The following FAM221B variants were observed in gnomAD, a reference collection of about 807,000 sequenced individuals.
FAM221B encodes family with sequence similarity 221 member B.
A neutral mutation model predicts 39.8 loss-of-function variants in FAM221B; 35 were observed. That is an observed-to-expected ratio of 0.88 (90% CI 0.67 to 1.17). The LOEUF (loss-of-function observed/expected upper bound fraction) is 1.17, where lower values mean the gene tolerates loss of function less well. FAM221B is among the 50% of genes most tolerant of loss of function. The probability of loss-of-function intolerance (pLI) is 0.00; values close to 1 mark genes in which losing one functional copy is unlikely to be tolerated. For synonymous variants in FAM221B, 158 were observed against 178.1 expected, an observed-to-expected ratio of 0.89 and a Z score of 0.90; for missense variants, 479 against 503.1, an observed-to-expected ratio of 0.95 and a Z score of 0.46.
rs976263828 is a variant in FAM221B, at chr9:35,817,725, A to G, written c.*744T>C. On this transcript the variant is annotated 3_prime_UTR_variant, in exon 7 of 7. Transcript: ENST00000423537. ...ACCCCAGCCATTGGCCTTATCTCCT[A>G]CTTCACAGGGCATATAGAAGCCATC... The G allele has an allele frequency of 2.6e-5, 4 of 152,192 alleles. No individual in the cohort carries two copies. Among genetic ancestry groups the G allele is most frequent in the Non-Finnish European group, 5.9e-5 (4 of 68,076 alleles). 9.4% of individuals were successfully genotyped at this position (152,192 alleles called of 1,614,324 possible).
Position 35,825,303 on chromosome 9 carries a change from T to C in FAM221B, c.669A>G (p.Arg223=), listed in dbSNP as rs372407809. The C allele has an allele frequency of 1.2e-6, 2 of 1,614,218 alleles. No individual in the cohort carries two copies. The highest frequency in any genetic ancestry group is 1.7e-6 in the Non-Finnish European group (2 of 1,180,038). Residue 223 remains arginine (R), a synonymous_variant, in exon 3 of 7, where the codon AGA becomes AGG. Coordinates refer to ENST00000423537, the MANE Select transcript of FAM221B (RefSeq NM_001012446.4). This position sits in a 1 kb window ranked among gnomAD's most constrained non-coding sequence, Gnocchi z 4.2. Reference sequence around the variant, plus strand: ...TGTTCACTTGAGCACCAAACTCCTCTCTATGCATTGCCTTAGCCACTTCCA... The same window carrying C: ...TGTTCACTTGAGCACCAAACTCCTCCCTATGCATTGCCTTAGCCACTTCCA... ...ELVEVAKAMH[R]EEFGAQVNNL...
intron 6 of FAM221B, 109 bp downstream of exon 6, chr9:35,818,781 A>G: frequency 6.9e-7 from 1 of 1,441,274 alleles, no homozygotes; most frequent in Non-Finnish European, 9.3e-7. Context: ...AGGTGGGCTG[A>G]GGGAGCGCGC....
At chr9:35,823,794 A>G (rs1356960645) in intron 3 of FAM221B, among the ~76,000 whole-genome samples, 1 of 152,068 alleles carries the variant, frequency 6.6e-6, no homozygotes, top group Non-Finnish European at 1.5e-5. Context: ...CCTACTAAGT[A>G]GCTGGGGCCA....
At position 35,823,972 on chromosome 9, in the gene FAM221B, C is replaced by T. The variant is rs566309829; in HGVS notation, c.742+1258G>A. ...GAGCCACCTTGCCAGCCAGAATTTG[C>T]AAGAAAATAAGAGTAACCGAATATG... On this transcript the variant is annotated intron_variant, in intron 3 of 6. Transcript: ENST00000423537. Among the ~76,000 whole-genome samples, 8 of 134,886 alleles carry T rather than the reference C, an allele frequency of 5.9e-5. No homozygotes were observed. In the East Asian group the frequency reaches 2.0e-3, roughly 34 times the overall value. 88.5% of individuals were successfully genotyped at this position (134,886 alleles called of 152,430 possible).
At chr9:35,819,141 T>C (rs1339036685) in intron 5 of FAM221B, 56 bp downstream of exon 5, 5 of 1,534,206 alleles carry the variant, frequency 3.3e-6, no homozygotes, top group Non-Finnish European at 4.4e-6. Flanking sequence ...TATCCCCAGA[T>C]TGCATCCTAT....
In FAM221B at chr9:35,819,917, A is replaced by G. The variant is rs1829111265; in HGVS notation, c.826T>C (p.Leu276=). The change falls in exon 4 of 7, where the codon TTG becomes CTG. Residue 276 remains leucine, a synonymous_variant. Transcript: ENST00000423537. ...GDESRCFCGH[L]LREHRIISDI... ...GAGATGATCCGGTGCTCTCTCAACA[A>G]GTGTCCACAAAAGCATCTGGACTCA... The G allele has an allele frequency of 6.2e-7, 1 of 1,613,988 alleles. No homozygotes were observed.
rs964959988 is a variant in FAM221B at position 35,828,369 on chromosome 9, A to T, written c.-1+94T>A. ...TACTACTACTACTACTACTACTACTACTACTACTACAACAATGTGAAGGGA... is the reference window on the plus strand; with the variant it reads ...TACTACTACTACTACTACTACTACTTCTACTACTACAACAATGTGAAGGGA... On this transcript the variant is annotated intron_variant, in intron 1 of 6. Coordinates refer to ENST00000423537, the MANE Select transcript of FAM221B (RefSeq NM_001012446.4). This position sits in a 1 kb window ranked among gnomAD's most constrained non-coding sequence, Gnocchi z 4.5. 26 of 216,266 alleles carry T rather than the reference A, an allele frequency of 1.2e-4. 1 individual carries two copies. Among genetic ancestry groups the T allele is most frequent in the African/African-American group, 5.9e-4 (25 of 42,020 alleles). The allele number at this position is 216,266 out of a possible 1,614,324, so 13.4% of individuals were successfully genotyped here. A position where few individuals can be genotyped will look rare whatever the true frequency, so the allele number is the denominator to read the frequency against.
intron 5 of FAM221B, 65 bp from the exon 6 acceptor site, chr9:35,819,074 T>C: frequency 6.5e-7 from 1 of 1,545,682 alleles, no homozygotes; most frequent in Non-Finnish European, 8.7e-7. Flanking sequence ...CTGACCACAT[T>C]CTCATCTCTT....
intron 3 of FAM221B, among the ~76,000 whole-genome samples, chr9:35,824,043 TG>T (rs1293136931): frequency 7.9e-6 from 1 of 126,556 alleles, no homozygotes; most frequent in Non-Finnish European, 1.7e-5. Context: ...AGGGCAAGGG[TG>T]GGGAGGTGGA....
rs1479605974 is a variant in FAM221B at position 35,819,275 on chromosome 9, C to T, written c.973G>A (p.Ala325Thr). ...LKRRATFDPK[A>T]WRAQCRCKHS... ...TTGCAGCGACATTGGGCCCTCCAGGCCTTGGGGTCAAAGGTGGCCCGTCTC... is the reference window on the plus strand; with the variant it reads ...TTGCAGCGACATTGGGCCCTCCAGGTCTTGGGGTCAAAGGTGGCCCGTCTC... Residue 325 changes from alanine to threonine, a missense_variant, in exon 5 of 7, where the codon GCC becomes ACC. By Grantham distance (58) the Ala-to-Thr change is moderately conservative. Coordinates refer to ENST00000423537, the MANE Select transcript of FAM221B (RefSeq NM_001012446.4). The T allele has an allele frequency of 2.6e-6, 4 of 1,551,644 alleles. No homozygotes were observed. The highest frequency in any genetic ancestry group is 4.9e-5 in the East Asian group (2 of 40,938).
In FAM221B at chr9:35,828,019, A is replaced by T. The variant is rs1829455899; in HGVS notation, c.-1+444T>A. Among the ~76,000 whole-genome samples the T allele has an allele frequency of 6.6e-6, 1 of 152,296 alleles. No homozygotes were observed. The highest frequency in any genetic ancestry group is 2.4e-5 in the African/African-American group (1 of 41,560). On this transcript the variant is annotated intron_variant, in intron 1 of 6. Transcript: ENST00000423537. This position sits in a 1 kb window ranked among gnomAD's most constrained non-coding sequence, Gnocchi z 4.5. ...GAAAAGTACAGAATGTGGGCCAGGC[A>T]TGGTGGCTCATGCCAGTAATCCCAG...
In FAM221B at chr9:35,828,332, A is replaced by AACT. The variant is rs1207019030; in HGVS notation, c.-1+128_-1+130dup. On this transcript the variant is annotated intron_variant, in intron 1 of 6. Coordinates refer to ENST00000423537, the MANE Select transcript of FAM221B (RefSeq NM_001012446.4). This position sits in a 1 kb window ranked among gnomAD's most constrained non-coding sequence, Gnocchi z 4.5. The stretch of plus-strand genomic sequence containing the variant: ...CAACAACAACAACAACAACAACAAC[A>AACT]ACTACTACTACTACTACTACTACTA... The AACT allele has an allele frequency of 8.2e-3, 895 of 108,956 alleles. 6 individuals are homozygous for AACT. Among genetic ancestry groups the AACT allele is most frequent in the African/African-American group, 0.022 (625 of 28,998 alleles). 6.7% of individuals were successfully genotyped at this position (108,956 alleles called of 1,614,324 possible).
At position 35,826,151 on chromosome 9, in the gene FAM221B, T is replaced by G; in HGVS notation, c.11A>C (p.His4Pro). 6.3e-7 allele frequency: 1 copy of G among 1,584,356 alleles called. No individual in the cohort carries two copies. The highest frequency in any genetic ancestry group is 8.6e-7 in the Non-Finnish European group (1 of 1,168,094). MEA[H>P]EIIEEPHITM... Reference sequence around the variant, plus strand: ...GATATGAGGCTCTTCTATGATCTCATGTGCTTCCATCTAGTGGTAGAACAG... The same window carrying G: ...GATATGAGGCTCTTCTATGATCTCAGGTGCTTCCATCTAGTGGTAGAACAG... Residue 4 changes from histidine (H) to proline (P), a missense_variant, in exon 2 of 7, where the codon CAT becomes CCT. His to Pro is a moderately conservative substitution (Grantham distance 77). Coordinates refer to ENST00000423537, the MANE Select transcript of FAM221B (RefSeq NM_001012446.4).
rs757082023 is a variant in FAM221B, at chr9:35,825,955, G to T, written c.207C>A (p.Ala69=). The change falls in exon 2 of 7, where the codon GCC becomes GCA. Residue 69 remains alanine (A), a synonymous_variant. Transcript: ENST00000423537. This position sits in a 1 kb window ranked among gnomAD's most constrained non-coding sequence, Gnocchi z 4.2. ...GCTCCTGATGGGTTTCAGGGGAATG[G>T]GCCTCTAAGGGGATCTGGGAAGGGG... ...VPSPSQIPLE[A]HSPETHQEPS... 6.2e-7 allele frequency: 1 copy of T among 1,614,062 alleles called. No homozygotes were observed.
chr9:35,825,734 G>A lies in FAM221B; in HGVS notation c.428C>T (p.Ser143Phe). ...GCTCTCAGATTCAGAGAGATGGGTAGACCTCCTTGTCCATGGGACCTCATT... is the reference window on the plus strand; with the variant it reads ...GCTCTCAGATTCAGAGAGATGGGTAAACCTCCTTGTCCATGGGACCTCATT... ...SSNEVPWTRR[S>F]THLSESESLP... The change falls in exon 2 of 7, where the codon TCT (serine) becomes TTT (phenylalanine). Residue 143 changes from serine (S) to phenylalanine (F), a missense_variant. Coordinates refer to ENST00000423537, the MANE Select transcript of FAM221B (RefSeq NM_001012446.4). The surrounding 1 kb of genome is among the most constrained non-coding windows in gnomAD (Gnocchi z 4.2). 1.2e-6 allele frequency: 2 copies of A among 1,614,216 alleles called. No homozygotes were observed. Among genetic ancestry groups the A allele is most frequent in the Non-Finnish European group, 8.5e-7 (1 of 1,180,036 alleles).
chr9:35,818,999 G>T lies in FAM221B; in HGVS notation c.1062C>A (p.Cys354Ter), dbSNP rs10972591. The change falls in exon 6 of 7, where the codon TGC becomes TGA. Residue 354 changes from cysteine to a stop codon, truncating the protein, a stop_gained. Transcript: ENST00000423537. LOFTEE classifies it high-confidence loss of function. ...PHPCRHHGCC[C>*]GCFESNFLCA... ...AGAGGAAATTAGACTCAAAACAGCCGCAGCAACAGCCTGGGGCAAAAGTGC... is the reference window on the plus strand; with the variant it reads ...AGAGGAAATTAGACTCAAAACAGCCTCAGCAACAGCCTGGGGCAAAAGTGC... The T allele has an allele frequency of 1.4e-5, 21 of 1,551,482 alleles. No individual in the cohort carries two copies. The highest frequency in any genetic ancestry group is 2.0e-5 in the Admixed American group (1 of 50,972).
In FAM221B at chr9:35,828,335, T is replaced by TACA. The variant is rs199624734; in HGVS notation, c.-1+127_-1+128insTGT. ...CAACAACAACAACAACAACAACAAC[T>TACA]ACTACTACTACTACTACTACTACTA... On this transcript the variant is annotated intron_variant, in intron 1 of 6. Coordinates refer to ENST00000423537, the MANE Select transcript of FAM221B (RefSeq NM_001012446.4). This position sits in a 1 kb window ranked among gnomAD's most constrained non-coding sequence, Gnocchi z 4.5. 4,919 of 94,944 alleles carry TACA rather than the reference T, an allele frequency of 0.052. 108 individuals are homozygous for TACA. Among genetic ancestry groups the TACA allele is most frequent in the African/African-American group, 0.08 (2,137 of 26,624 alleles). The allele number at this position is 94,944 out of a possible 1,614,324, so 5.9% of individuals were successfully genotyped here.
rs1463070318 is a variant in FAM221B, at chr9:35,818,250, TCCTC to T, written c.*215_*218del. On this transcript the variant is annotated 3_prime_UTR_variant, in exon 7 of 7. Coordinates refer to ENST00000423537, the MANE Select transcript of FAM221B (RefSeq NM_001012446.4). Reference sequence around the variant, plus strand: ...TTCCCACTCTATCCTTCTTGAAACTTCCTCCCTTCTTGACTTCCTTGAAGCCACT... The same window carrying T: ...TTCCCACTCTATCCTTCTTGAAACTTCCTTCTTGACTTCCTTGAAGCCACT... 5 of 576,452 alleles carry T rather than the reference TCCTC, an allele frequency of 8.7e-6. No homozygotes were observed. The highest frequency in any genetic ancestry group is 1.6e-5 in the Non-Finnish European group (5 of 321,180). The allele number at this position is 576,452 out of a possible 1,614,324, so 35.7% of individuals were successfully genotyped here. A position where few individuals can be genotyped will look rare whatever the true frequency, so the allele number is the denominator to read the frequency against.
Position 35,828,332 on chromosome 9 carries a change from AACT to A in FAM221B, c.-1+128_-1+130del, listed in dbSNP as rs1207019030. The A allele has an allele frequency of 3.7e-3, 403 of 108,972 alleles. 2 individuals are homozygous for A. The highest frequency in any genetic ancestry group is 6.1e-3 in the African/African-American group (176 of 29,030). 6.8% of individuals were successfully genotyped at this position (108,972 alleles called of 1,614,324 possible). A position where few individuals can be genotyped will look rare whatever the true frequency, so the allele number is the denominator to read the frequency against. ...CAACAACAACAACAACAACAACAAC[AACT>A]ACTACTACTACTACTACTACTACTA... On this transcript the variant is annotated intron_variant, in intron 1 of 6. Coordinates refer to ENST00000423537, the MANE Select transcript of FAM221B (RefSeq NM_001012446.4). This position sits in a 1 kb window ranked among gnomAD's most constrained non-coding sequence, Gnocchi z 4.5.
Sources: gnomAD v4.1 joint callset for allele counts (sites outside exome capture counted in the v4.1 genomes callset) on GRCh38, gnomAD v4.1.1 for gene constraint, Gnocchi (gnomAD v3.1) non-coding constraint, MANE v1.5 for transcripts, NCBI Gene and HGNC (gene_info 2026-07-23, HGNC 2026-07-21) for gene names.